The following ARIH1 variants were observed in gnomAD, a reference collection of about 807,000 sequenced individuals.
The protein encoded by ARIH1 is ariadne RBR E3 ubiquitin protein ligase 1.
ARIH1 carries 8 observed loss-of-function variants against 85.0 expected under a neutral mutation model. The ratio of observed to expected loss-of-function variants is 0.09; its 90% CI spans 0.06 to 0.17. The LOEUF is 0.17. Among genes scored for constraint, ARIH1 ranks in the 10% least tolerant of loss-of-function variants. The pLI is 1.00. For missense variants in ARIH1, 311 were observed against 718.1 expected (o/e 0.43, Z 6.48); for synonymous variants, 238 against 253.6 (o/e 0.94, Z 0.59).
intron 2 of ARIH1, among the ~76,000 whole-genome samples, chr15:72,538,432 C>T (rs1217698144): frequency 1.3e-5 from 2 of 152,188 alleles, no homozygotes; most frequent in Admixed American, 6.5e-5. Context: ...ATTGGTTTTA[C>T]ATTTTGCTTT....
intron 2 of ARIH1, among the ~76,000 whole-genome samples, chr15:72,538,029 T>A (rs1400315678): frequency 6.6e-6 from 1 of 152,160 alleles, no homozygotes. Context: ...AATGGAAGCA[T>A]TAAAAGACTG....
chr15:72,476,561 C>T (rs1031486276), intron 1 of ARIH1, among the ~76,000 whole-genome samples: 8 of 151,966 alleles, frequency 5.3e-5, no homozygotes, highest in Admixed American at 4.6e-4. Flanking sequence ...AGACGGGTTT[C>T]ACCATGCTGG....
At chr15:72,511,983 A>G (rs1299865353) in intron 1 of ARIH1, among the ~76,000 whole-genome samples, 2 of 152,160 alleles carry the variant, frequency 1.3e-5, no homozygotes, top group Non-Finnish European at 2.9e-5. Flanking sequence ...AATTTTGAAT[A>G]TTTAAAACTA....
chr15:72,568,283 T>G (rs995466295), intron 9 of ARIH1, among the ~76,000 whole-genome samples: 3 of 152,232 alleles, frequency 2.0e-5, no homozygotes, highest in African/African-American at 7.2e-5. Flanking sequence ...CAAGCATTCT[T>G]TTTTTGAAAA....
intron 2 of ARIH1, among the ~76,000 whole-genome samples, chr15:72,527,749 A>T (rs1002746117): frequency 6.6e-6 from 1 of 152,168 alleles, no homozygotes; most frequent in African/African-American, 2.4e-5. Context: ...ACTCAAGTTA[A>T]CCTTTTCTTC....
intron 3 of ARIH1, among the ~76,000 whole-genome samples, chr15:72,548,793 C>CT (rs1020350476): frequency 6.0e-4 from 92 of 152,262 alleles, no homozygotes; most frequent in African/African-American, 2.0e-3. Flanking sequence ...AGCATTTGTA[C>CT]TTTTTTATTA....
chr15:72,541,179 G>C (rs1159546468), intron 2 of ARIH1, among the ~76,000 whole-genome samples: 1 of 152,156 alleles, frequency 6.6e-6, no homozygotes, highest in East Asian at 1.9e-4. Flanking sequence ...ACAGCTGTGA[G>C]GGTTTAGCAT....
At chr15:72,563,184 G>T (rs748864712) in intron 6 of ARIH1, among the ~76,000 whole-genome samples, 3 of 152,002 alleles carry the variant, frequency 2.0e-5, no homozygotes, top group African/African-American at 7.3e-5. Flanking sequence ...CTGTGTAGTC[G>T]GGACTACAGG....
chr15:72,518,768 C>G (rs891428578), intron 2 of ARIH1, among the ~76,000 whole-genome samples: 2 of 143,106 alleles, frequency 1.4e-5, no homozygotes, highest in African/African-American at 5.2e-5. Context: ...AGCCTGGCAA[C>G]AGAGCGAGAC....
intron 9 of ARIH1, 38 bp downstream of exon 9, chr15:72,567,215 T>G (rs2064224598): frequency 1.3e-6 from 2 of 1,535,556 alleles, no homozygotes; most frequent in Non-Finnish European, 1.8e-6. Context: ...GTAATAAAAA[T>G]GATAAGGATT....
chr15:72,476,722 AAG>A (rs1234985146), intron 1 of ARIH1, among the ~76,000 whole-genome samples: 4 of 152,194 alleles, frequency 2.6e-5, no homozygotes, highest in Non-Finnish European at 5.9e-5. Context: ...AAGACAAAAC[AAG>A]CCTGCCACCC....
intron 2 of ARIH1, among the ~76,000 whole-genome samples, chr15:72,531,221 G>A (rs1287599332): frequency 6.6e-6 from 1 of 152,052 alleles, no homozygotes; most frequent in Non-Finnish European, 1.5e-5. Flanking sequence ...AAGCATTTTA[G>A]ATTTTATGAA....
At position 72,601,764 on chromosome 15, in the gene ARIH1, T is replaced by A. The variant is rs992740134; in HGVS notation, c.*18472T>A. On this transcript the variant is annotated 3_prime_UTR_variant, in exon 14 of 14. Coordinates refer to ENST00000379887, the MANE Select transcript of ARIH1 (RefSeq NM_005744.5). ...ATTATTGGAGTAGGTAATACATCCA[T>A]ATAGTACAAAATTCAAAATGTATTA... is the stretch of plus-strand genomic sequence containing the variant. 2.6e-5 allele frequency: 4 copies of A among 152,206 alleles called. No individual in the cohort carries two copies. The highest frequency in any genetic ancestry group is 6.5e-5 in the Admixed American group (1 of 15,274). The allele number at this position is 152,206 out of a possible 1,614,324, so 9.4% of individuals were successfully genotyped here. A position where few individuals can be genotyped will look rare whatever the true frequency, so the allele number is the denominator to read the frequency against.
In ARIH1 at chr15:72,599,595, G is replaced by A. The variant is rs1471517024; in HGVS notation, c.*16303G>A. ...TCTCAAACTCCTGGCCTCCTACCTCGACTTCTCATAGTTCTGGCGTGAGCT... is the reference window on the plus strand; with the variant it reads ...TCTCAAACTCCTGGCCTCCTACCTCAACTTCTCATAGTTCTGGCGTGAGCT... On this transcript the variant is annotated 3_prime_UTR_variant, in exon 14 of 14. Transcript: ENST00000379887. The A allele has an allele frequency of 1.3e-5, 2 of 152,008 alleles. No individual in the cohort carries two copies. The highest frequency in any genetic ancestry group is 3.9e-4 in the East Asian group (2 of 5,194). The allele number at this position is 152,008 out of a possible 1,614,324, so 9.4% of individuals were successfully genotyped here. A position where few individuals can be genotyped will look rare whatever the true frequency, so the allele number is the denominator to read the frequency against.
chr15:72,504,462 T>C (rs1409311736), intron 1 of ARIH1, among the ~76,000 whole-genome samples: 1 of 152,022 alleles, frequency 6.6e-6, no homozygotes, highest in Non-Finnish European at 1.5e-5. Flanking sequence ...GGCGGATAAT[T>C]TTCTTTAGTG....
intron 1 of ARIH1, among the ~76,000 whole-genome samples, chr15:72,487,483 A>G (rs1466834038): frequency 2.6e-5 from 4 of 152,210 alleles, no homozygotes; most frequent in Admixed American, 1.3e-4. Flanking sequence ...GTGGACATTT[A>G]TCTTGGAATT....
chr15:72,581,117 T>G (rs2064293537), intron 12 of ARIH1, 126 bp downstream of exon 12: 2 of 1,010,212 alleles, frequency 2.0e-6, no homozygotes, highest in Non-Finnish European at 1.4e-6. Flanking sequence ...ACGAATGTAT[T>G]TATTACAAAG....
chr15:72,552,541 T>C (rs2064157088), intron 3 of ARIH1, among the ~76,000 whole-genome samples: 1 of 151,924 alleles, frequency 6.6e-6, no homozygotes, highest in Non-Finnish European at 1.5e-5. Context: ...CTGCCCGCCT[T>C]GGCCTCCCAA....
At chr15:72,488,132 C>A (rs956330822) in intron 1 of ARIH1, among the ~76,000 whole-genome samples, 2 of 152,152 alleles carry the variant, frequency 1.3e-5, no homozygotes, top group Admixed American at 6.5e-5. Context: ...AACTCCTGGG[C>A]TCAAGCGATC....
Sources: gnomAD v4.1 joint callset for allele counts (sites outside exome capture counted in the v4.1 genomes callset) on GRCh38, gnomAD v4.1.1 for gene constraint, MANE v1.5 for transcripts, NCBI Gene and HGNC (gene_info 2026-07-23, HGNC 2026-07-21) for gene names.